RBFOX1: variants seen among roughly 807,000 people sequenced by gnomAD.
RBFOX1 encodes the protein RNA binding fox-1 homolog 1.
A neutral mutation model predicts 57.7 loss-of-function variants in RBFOX1; 8 were observed. The observed-to-expected ratio is 0.14, with a 90% CI of 0.08 to 0.25. RBFOX1 has a LOEUF of 0.25. Ranked by LOEUF, RBFOX1 falls within the 10% of genes least tolerant of loss-of-function variation. The pLI, the probability that RBFOX1 is intolerant of heterozygous loss-of-function variation, is 1.00. For missense variants in RBFOX1, 611 were observed against 548.5 expected, an observed-to-expected ratio of 1.11 and a Z score of -1.14; for synonymous variants, 326 against 222.4, an observed-to-expected ratio of 1.47 and a Z score of -4.15.
chr16:6,523,588 G>A lies in RBFOX1; in HGVS notation c.-63-131015G>A, dbSNP rs1051724106. ...GACCTTGCCTTTCAGTCTGTATTAT[G>A]AGTGCATCTGTCAAATCAGAGATTT... On this transcript the variant is annotated intron_variant, in intron 2 of 15. Transcript: ENST00000550418. Among the ~76,000 whole-genome samples, 125 of 152,230 alleles carry A rather than the reference G, an allele frequency of 8.2e-4. 1 individual carries two copies. Among genetic ancestry groups the A allele is most frequent in the African/African-American group, 2.6e-3 (107 of 41,520 alleles).
intron 1 of RBFOX1, among the ~76,000 whole-genome samples, chr16:6,313,864 A>G (rs987927699): frequency 3.7e-4 from 56 of 151,984 alleles, no homozygotes; most frequent in African/African-American, 1.3e-3. Context: ...CTGGAACTCT[A>G]GAGAGCATAT....
intron 3 of RBFOX1, among the ~76,000 whole-genome samples, chr16:6,666,865 A>T (rs1295371067): frequency 6.6e-6 from 1 of 152,152 alleles, no homozygotes; most frequent in African/African-American, 2.4e-5. Flanking sequence ...CTAAGGTATT[A>T]TCTCGGGGTC....
At chr16:6,502,622 T>A (rs1029422901) in intron 2 of RBFOX1, among the ~76,000 whole-genome samples, 4 of 152,180 alleles carry the variant, frequency 2.6e-5, no homozygotes, top group Non-Finnish European at 5.9e-5. Context: ...GTGCCATCCA[T>A]GGTGGATAAG....
intron 3 of RBFOX1, among the ~76,000 whole-genome samples, chr16:6,791,983 G>C (rs191855540): frequency 6.6e-6 from 1 of 152,140 alleles, no homozygotes; most frequent in Non-Finnish European, 1.5e-5. Flanking sequence ...TGGATTTATA[G>C]TCTGACTTTG....
intron 1 of RBFOX1, among the ~76,000 whole-genome samples, chr16:5,344,472 C>T (rs1217335101): frequency 6.6e-6 from 1 of 152,138 alleles, no homozygotes; most frequent in Non-Finnish European, 1.5e-5. Context: ...TTATTTTGTT[C>T]CCTCTTAACT....
intron 4 of RBFOX1, among the ~76,000 whole-genome samples, chr16:7,153,194 AT>A (rs5815379): frequency 0.39 from 59,253 of 150,920 alleles, 12,834 homozygotes; most frequent in African/African-American, 0.59. Flanking sequence ...GGACATAATC[AT>A]TTTTTTTTTA....
chr16:6,471,233 C>G (rs936917370), intron 2 of RBFOX1, among the ~76,000 whole-genome samples: 1 of 152,144 alleles, frequency 6.6e-6, no homozygotes, highest in Admixed American at 6.5e-5. Flanking sequence ...ATCGAACAAC[C>G]TGCTATGCAT....
chr16:6,625,103 T>A (rs1373853894), intron 2 of RBFOX1, among the ~76,000 whole-genome samples: 3 of 132,592 alleles, frequency 2.3e-5, no homozygotes, highest in Non-Finnish European at 4.6e-5. Flanking sequence ...AGGCAAAAGT[T>A]GCAGTGAGTC....
In RBFOX1 at chr16:6,380,588, C is replaced by T. The variant is rs531125069; in HGVS notation, c.-64+63531C>T. 4.2e-4 allele frequency among the ~76,000 whole-genome samples: 63 copies of T among 151,636 alleles called. 1 individual carries two copies. In the South Asian group the frequency reaches 0.013, roughly 32 times the overall value. ...AAAGTTATGGACCATTTGATCAAAT[C>T]CTGGTGTGAAATAAAGAGCATACTT... is the stretch of plus-strand genomic sequence containing the variant. On this transcript the variant is annotated intron_variant, in intron 2 of 15. Transcript: ENST00000550418.
rs865984543 is a variant in RBFOX1, at chr16:5,856,249, A to G, written c.319-11054A>G. On this transcript the variant is annotated intron_variant, in intron 3 of 19. Coordinates refer to the RBFOX1 transcript ENST00000641259. ...TATATGTATATATATGTGTATATAT[A>G]TGTATATATATGTATATATATATAC... 8.3e-4 allele frequency among the ~76,000 whole-genome samples: 38 copies of G among 45,654 alleles called. 3 individuals are homozygous for G. The highest frequency in any genetic ancestry group is 5.2e-3 in the South Asian group (7 of 1,340). The allele number at this position is 45,654 out of a possible 152,430, so 30.0% of individuals were successfully genotyped here. A position where few individuals can be genotyped will look rare whatever the true frequency, so the allele number is the denominator to read the frequency against.
intron 3 of RBFOX1, among the ~76,000 whole-genome samples, chr16:6,879,250 T>G (rs2062434409): frequency 6.6e-6 from 1 of 152,202 alleles, no homozygotes. Flanking sequence ...GAATTGGCTT[T>G]CAGTGAATTT....
chr16:7,129,967 C>T (rs943703733), intron 4 of RBFOX1, among the ~76,000 whole-genome samples: 1 of 151,806 alleles, frequency 6.6e-6, no homozygotes, highest in African/African-American at 2.4e-5. Flanking sequence ...CCAGCAATAC[C>T]AAATAGGATA....
chr16:7,599,457 A>ATT (rs5815416), intron 9 of RBFOX1, among the ~76,000 whole-genome samples: 13 of 152,000 alleles, frequency 8.6e-5, no homozygotes, highest in South Asian at 6.2e-4. Flanking sequence ...GACCTGTAGG[A>ATT]TTTTTTAACA....
chr16:6,853,675 G>A (rs2057267537), intron 3 of RBFOX1, among the ~76,000 whole-genome samples: 3 of 152,148 alleles, frequency 2.0e-5, no homozygotes, highest in Admixed American at 2.0e-4. Flanking sequence ...AGGCTAATTT[G>A]TGAACCTGTA....
chr16:5,985,786 G>A (rs1223636908), intron 4 of RBFOX1, among the ~76,000 whole-genome samples: 1 of 152,182 alleles, frequency 6.6e-6, no homozygotes, highest in African/African-American at 2.4e-5. Context: ...GCAGCAGTGT[G>A]ATGGAGAAAA....
At chr16:6,960,697 C>G (rs1005480049) in intron 3 of RBFOX1, among the ~76,000 whole-genome samples, 10 of 152,012 alleles carry the variant, frequency 6.6e-5, no homozygotes, top group South Asian at 2.1e-4. Context: ...CTGTCTCTGA[C>G]GGGCCCACTC....
At chr16:6,628,430 T>G (rs146766874) in intron 2 of RBFOX1, among the ~76,000 whole-genome samples, 2 of 152,346 alleles carry the variant, frequency 1.3e-5, no homozygotes, top group African/African-American at 4.8e-5. Context: ...AGGCTGGTTT[T>G]CAAATATAGA....
chr16:6,397,038 T>G (rs2092867335), intron 2 of RBFOX1, among the ~76,000 whole-genome samples: 1 of 152,168 alleles, frequency 6.6e-6, no homozygotes, highest in African/African-American at 2.4e-5. Context: ...ATTTGATTAT[T>G]AACAGAAGAC....
chr16:6,530,394 C>G (rs1182271222), intron 2 of RBFOX1, among the ~76,000 whole-genome samples: 1 of 152,132 alleles, frequency 6.6e-6, no homozygotes. Context: ...TTCCAAGAGG[C>G]TCACCTGCAA....
Sources: allele counts gnomAD v4.1 joint callset (sites outside exome capture counted in the v4.1 genomes callset), GRCh38; gene constraint gnomAD v4.1.1; transcripts MANE v1.5; gene names NCBI Gene and HGNC (gene_info 2026-07-23, HGNC 2026-07-21).